The following ACLY variants were observed in gnomAD, a reference collection of about 807,000 sequenced individuals.
The protein encoded by ACLY is ATP-citrate synthase.
A neutral mutation model predicts 133.0 loss-of-function variants in ACLY; 41 were observed. The observed-to-expected ratio is 0.31, with a 90% confidence interval of 0.24 to 0.40. The LOEUF (loss-of-function observed/expected upper bound fraction) is 0.40. Among genes scored for constraint, ACLY ranks in the 10% least tolerant of loss-of-function variants. The pLI, the probability that ACLY is intolerant of heterozygous loss-of-function variation, is 1.00. For synonymous variants in ACLY, 495 were observed against 549.3 expected (o/e 0.90, Z 1.38); for missense variants, 1,046 against 1,453.8 (o/e 0.72, Z 4.56).
At chr17:41,921,709 C>T (rs1428749010), upstream of ACLY, among the ~76,000 whole-genome samples, 5 of 152,106 alleles carry the variant, frequency 3.3e-5, no homozygotes, top group Admixed American at 2.6e-4. Context: ...CTGGCTCACG[C>T]CTATAATCCG....
intron 16 of ACLY, among the ~76,000 whole-genome samples, chr17:41,891,870 T>C (rs2049223306): frequency 6.6e-6 from 1 of 152,090 alleles, no homozygotes; most frequent in Non-Finnish European, 1.5e-5. Flanking sequence ...GCTTGACTAA[T>C]TTTTAAGCTT....
chr17:41,869,532 A>T lies in ACLY; in HGVS notation c.2993T>A (p.Phe998Tyr), dbSNP rs74873238. 6.2e-7 allele frequency: 1 copy of T among 1,614,066 alleles called. No individual in the cohort carries two copies. Among genetic ancestry groups the T allele is most frequent in the Non-Finnish European group, 8.5e-7 (1 of 1,180,024 alleles). The part of the protein sequence containing the change: ...QILKDYVRQH[F>Y]PATPLLDYAL... ...ATAATCGAGCAGAGGAGTGGCAGGG[A>T]AGTGCTGCCTGACGTAATCTTTGAG... Residue 998 changes from phenylalanine to tyrosine, a missense_variant, in exon 26 of 29, where the codon TTC becomes TAC. Phe to Tyr is a conservative substitution (Grantham distance 22). Coordinates refer to ENST00000352035, the MANE Select transcript of ACLY (RefSeq NM_001096.3).
intron 1 of ACLY, among the ~76,000 whole-genome samples, chr17:41,926,995 A>T (rs1020729615): frequency 7.2e-5 from 11 of 151,732 alleles, no homozygotes; most frequent in African/African-American, 2.7e-4. Flanking sequence ...CAGCCTCCCG[A>T]GTAACTGGGA....
rs533517431 is a variant in ACLY at position 41,905,394 on chromosome 17, T to A, written c.1003+128A>T. 205 of 1,275,976 alleles carry A rather than the reference T, an allele frequency of 1.6e-4. 2 individuals carry two copies. In the South Asian group the frequency reaches 2.4e-3, roughly 15 times the overall value. The allele number at this position is 1,275,976 out of a possible 1,614,324, so 79.0% of individuals were successfully genotyped here. On this transcript the variant is annotated intron_variant, in intron 9 of 28. Coordinates refer to ENST00000352035, the MANE Select transcript of ACLY (RefSeq NM_001096.3). Reference sequence around the variant, plus strand: ...AGAGAAACTGAGAGCCAAAGTTCAATGATTAGCCTCAAGTTGCAAAGGACC... The same window carrying A: ...AGAGAAACTGAGAGCCAAAGTTCAAAGATTAGCCTCAAGTTGCAAAGGACC...
intron 17 of ACLY, among the ~76,000 whole-genome samples, chr17:41,887,127 G>GAAAAAAAAAAAA (rs535668437): frequency 7.2e-5 from 8 of 110,378 alleles, no homozygotes; most frequent in African/African-American, 2.0e-4. Flanking sequence ...CCGTCTCAAA[G>GAAAAAAAAAAAA]AAAAAAAAAA....
chr17:41,913,968 C>T, intron 1 of ACLY, 72 bp from the exon 2 acceptor site: 3 of 1,446,846 alleles, frequency 2.1e-6, no homozygotes, highest in East Asian at 2.3e-5. Context: ...GCAGGGCAGA[C>T]CCACTCCCAG....
At position 41,885,027 on chromosome 17, in the gene ACLY, A is replaced by G. The variant is rs115623732; in HGVS notation, c.2073-753T>C. ...TGGCACTACTGGCACATGCCACCAC[A>G]TCCGGCTAATTTTTTTTTGGTAGAG... On this transcript the variant is annotated intron_variant, in intron 18 of 28. Transcript: ENST00000352035. Among the ~76,000 whole-genome samples the G allele has an allele frequency of 8.9e-4, 136 of 151,994 alleles. 2 individuals are homozygous for G. Among genetic ancestry groups the G allele is most frequent in the African/African-American group, 3.2e-3 (133 of 41,480 alleles).
intron 22 of ACLY, among the ~76,000 whole-genome samples, chr17:41,874,485 CTGG>C (rs1555625654): frequency 1.3e-5 from 2 of 151,986 alleles, no homozygotes; most frequent in African/African-American, 4.8e-5. Flanking sequence ...GCTGTCCAGG[CTGG>C]TCTTAAACTC....
chr17:41,897,326 A>G (rs890498554), intron 13 of ACLY, among the ~76,000 whole-genome samples: 1 of 152,010 alleles, frequency 6.6e-6, no homozygotes, highest in African/African-American at 2.4e-5. Context: ...TAGGGCCCCA[A>G]GATGGTGGGG....
At chr17:41,906,267 T>C (rs2049715339) in intron 8 of ACLY, among the ~76,000 whole-genome samples, 1 of 152,260 alleles carries the variant, frequency 6.6e-6, no homozygotes, top group African/African-American at 2.4e-5. Context: ...GCTCATTTTC[T>C]GTACCTTTGT....
intron 20 of ACLY, among the ~76,000 whole-genome samples, chr17:41,880,812 GC>G (rs1165908722): frequency 1.3e-5 from 2 of 151,852 alleles, no homozygotes; most frequent in East Asian, 3.9e-4. Context: ...CTTGCAGTGA[GC>G]CGAGACTGCA....
chr17:41,924,867 CT>C (rs2050223581), intron 1 of ACLY, among the ~76,000 whole-genome samples: 1 of 152,058 alleles, frequency 6.6e-6, no homozygotes, highest in Non-Finnish European at 1.5e-5. Context: ...CCACTCCATT[CT>C]GACTCTCTCT....
At chr17:41,908,059 G>A (rs974284126) in intron 6 of ACLY, among the ~76,000 whole-genome samples, 12 of 152,086 alleles carry the variant, frequency 7.9e-5, no homozygotes, top group Non-Finnish European at 1.8e-4. Context: ...AGCAGGATTC[G>A]TTTATACCAC....
chr17:41,889,040 C>G (rs782465088), intron 16 of ACLY, among the ~76,000 whole-genome samples: 1 of 151,896 alleles, frequency 6.6e-6, no homozygotes, highest in Non-Finnish European at 1.5e-5. Context: ...ATCACTTGAA[C>G]CTGGAAGGCA....
intron 27 of ACLY, 125 bp from the exon 28 acceptor site, chr17:41,868,910 A>G: frequency 7.4e-7 from 1 of 1,347,186 alleles, no homozygotes; most frequent in African/African-American, 1.5e-5. Flanking sequence ...ATTACAGGCA[A>G]TTTTTGTTTT....
rs556463057 is a variant in ACLY at position 41,868,716 on chromosome 17, C to T, written c.3204G>A (p.Gly1068=). 1.2e-5 allele frequency: 20 copies of T among 1,612,954 alleles called. No homozygotes were observed. The highest frequency in any genetic ancestry group is 3.3e-5 in the South Asian group (3 of 91,056). The change falls in exon 28 of 29, where the codon GGG becomes GGA. Residue 1068 remains glycine (G), a synonymous_variant. Transcript: ENST00000352035. ...NGIFVLGRSM[G]FIGHYLDQKR... is the part of the protein sequence containing the mutation. ...AACAACGAATGGACTCACCAATGAA[C>T]CCCATACTCCTTCCCAGCACAAAGA...
upstream of ACLY, among the ~76,000 whole-genome samples, chr17:41,921,152 G>A (rs1268651298): frequency 6.8e-6 from 1 of 148,122 alleles, no homozygotes; most frequent in African/African-American, 2.5e-5. Context: ...AAAAAATTTA[G>A]CTGGGCACTG....
chr17:41,887,657 G>C lies in ACLY; in HGVS notation c.1817C>G (p.Thr606Arg). ...IIAEGIPEALTRKLIKKADQK... is the reference protein window; with the variant it reads ...IIAEGIPEALRRKLIKKADQK... ...GTCCGCCTTCTTGATCAGCTTTCTC[G>C]TGAGGGCCTCAGGGATGCCTTCAGC... Residue 606 changes from threonine to arginine, a missense_variant, in exon 17 of 29, where the codon ACG (threonine) becomes AGG (arginine). Thr to Arg is a moderately conservative substitution (Grantham distance 71). Around this residue, in one of 4 missense-constraint regions of ACLY, gnomAD observed 575 missense variants for 804.2 expected, o/e 0.71. Transcript: ENST00000352035. 6.2e-7 allele frequency: 1 copy of C among 1,613,744 alleles called. No individual in the cohort carries two copies. The highest frequency in any genetic ancestry group is 8.5e-7 in the Non-Finnish European group (1 of 1,179,808).
At position 41,913,824 on chromosome 17, in the gene ACLY, T is replaced by C. The variant is rs2049974367; in HGVS notation, c.50A>G (p.Lys17Arg). 1.2e-6 allele frequency: 2 copies of C among 1,614,078 alleles called. No homozygotes were observed. Among genetic ancestry groups the C allele is most frequent in the South Asian group, 1.1e-5 (1 of 91,088 alleles). ...SEQTGKELLYKFICTTSAIQN... is the reference protein window; with the variant it reads ...SEQTGKELLYRFICTTSAIQN... ...GATGGCTGAGGTGGTACAGATGAAC[T>C]TGTAAAGGAGTTCTTTGCCCGTCTG... The change falls in exon 2 of 29, where the codon AAG (lysine) becomes AGG (arginine). Residue 17 changes from lysine to arginine, a missense_variant. Physicochemically the swap from Lys to Arg is conservative, Grantham distance 26. Around this residue, in one of 4 missense-constraint regions of ACLY, gnomAD observed 227 missense variants for 245.6 expected, o/e 0.92. Coordinates refer to ENST00000352035, the MANE Select transcript of ACLY (RefSeq NM_001096.3).
Sources: allele counts gnomAD v4.1 joint callset (sites outside exome capture counted in the v4.1 genomes callset), GRCh38; gene constraint gnomAD v4.1.1; regional missense constraint gnomAD v4.1.1; transcripts MANE v1.5; gene names NCBI Gene and HGNC (gene_info 2026-07-23, HGNC 2026-07-21).